NEXMIF: variants seen among roughly 807,000 people sequenced by gnomAD.
The protein encoded by NEXMIF is XLMR protein related to neurite extension.
In NEXMIF, 8 loss-of-function variants were observed where a neutral mutation model predicts 62.1. The observed-to-expected ratio is 0.13, with a 90% CI of 0.08 to 0.23. The LOEUF is 0.23. Ranked by LOEUF, NEXMIF falls within the 10% of genes least tolerant of loss-of-function variation. NEXMIF has a pLI of 1.00. For missense variants in NEXMIF, 976 were observed against 1,113.3 expected (o/e 0.88, Z 1.75); for synonymous variants, 404 against 416.6 (o/e 0.97, Z 0.37).
intron 1 of NEXMIF, among the ~76,000 whole-genome samples, chrX:74,878,878 C>A (rs1023150714): frequency 2.7e-5 from 3 of 112,418 alleles, no homozygotes; most frequent in African/African-American, 9.7e-5. Context: ...CACTGACCTG[C>A]GCCCACTGTC....
At chrX:74,771,270 C>T (rs975581159) in intron 1 of NEXMIF, among the ~76,000 whole-genome samples, 9 of 111,173 alleles carry the variant, frequency 8.1e-5, no homozygotes, top group Non-Finnish European at 1.5e-4. Context: ...ACTGACAGTA[C>T]TGAGGTAGTT....
At chrX:74,919,941 C>A (rs932726727) in intron 1 of NEXMIF, among the ~76,000 whole-genome samples, 38 of 111,054 alleles carry the variant, frequency 3.4e-4, no homozygotes, top group African/African-American at 1.2e-3. Context: ...CATGTCCCTA[C>A]AAAGGACATG....
intron 1 of NEXMIF, among the ~76,000 whole-genome samples, chrX:74,854,469 T>C (rs1297064656): frequency 2.7e-5 from 3 of 111,608 alleles, no homozygotes. Flanking sequence ...AGAGCACAGG[T>C]AATGATATGG....
intron 1 of NEXMIF, among the ~76,000 whole-genome samples, chrX:74,912,245 C>T (rs755123878): frequency 9.0e-6 from 1 of 111,612 alleles, no homozygotes; most frequent in South Asian, 3.9e-4. Context: ...AGGATTAGAA[C>T]ATTAAGGCCA....
chrX:74,861,439 G>C (rs1321274165), intron 1 of NEXMIF, among the ~76,000 whole-genome samples: 1 of 111,655 alleles, frequency 9.0e-6, no homozygotes, highest in Non-Finnish European at 1.9e-5. Flanking sequence ...TATCATCCAG[G>C]AGAACTTCCA....
intron 1 of NEXMIF, among the ~76,000 whole-genome samples, chrX:74,844,120 C>T (rs755872247): frequency 1.8e-5 from 2 of 111,743 alleles, no homozygotes; most frequent in Non-Finnish European, 3.8e-5. Flanking sequence ...CCAGTCTCTT[C>T]TGGCTTGTAG....
At chrX:74,762,476 C>A (rs1391742903) in intron 1 of NEXMIF, among the ~76,000 whole-genome samples, 1 of 111,374 alleles carries the variant, frequency 9.0e-6, no homozygotes, top group Non-Finnish European at 1.9e-5. Context: ...TGGGTATATA[C>A]CCAGTTATGG....
Position 74,740,168 on chromosome X carries a change from C to G in NEXMIF, c.4389G>C (p.Lys1463Asn). 8.3e-7 allele frequency: 1 copy of G among 1,211,050 alleles called. No homozygotes were observed. ...SSKALRDEKC[K>N]GKHMEREQVH... ...CCTGTTCTCGCTCCATGTGCTTTCC[C>G]TTACATTTCTCATCTCTCAGGGCCT... Residue 1463 changes from lysine to asparagine, a missense_variant, in exon 3 of 4, where the codon AAG (lysine) becomes AAC (asparagine). This residue lies in a region of NEXMIF where 137 missense variants were observed against 128.9 expected (regional missense o/e 1.06). Coordinates refer to ENST00000055682, the MANE Select transcript of NEXMIF (RefSeq NM_001008537.3).
At chrX:74,857,950 G>A (rs1264164640) in intron 1 of NEXMIF, among the ~76,000 whole-genome samples, 7 of 112,057 alleles carry the variant, frequency 6.2e-5, no homozygotes, top group Admixed American at 4.7e-4. Flanking sequence ...GAGTGGAAGA[G>A]TGGGAAGAAG....
intron 1 of NEXMIF, among the ~76,000 whole-genome samples, chrX:74,778,962 C>G (rs1304103292): frequency 8.9e-6 from 1 of 112,029 alleles, no homozygotes; most frequent in Non-Finnish European, 1.9e-5. Flanking sequence ...TCCTCAATTT[C>G]TTTTCAGAGA....
At chrX:74,887,721 T>C (rs976364129) in intron 1 of NEXMIF, among the ~76,000 whole-genome samples, 1 of 111,730 alleles carries the variant, frequency 9.0e-6, no homozygotes, top group African/African-American at 3.3e-5. Flanking sequence ...AGTTCAACCA[T>C]TGTGGAAGTC....
chrX:74,912,248 T>C (rs757581351), intron 1 of NEXMIF, among the ~76,000 whole-genome samples: 57 of 111,422 alleles, frequency 5.1e-4, no homozygotes, highest in Middle Eastern at 9.3e-3. Flanking sequence ...ATTAGAACAT[T>C]AAGGCCACCA....
chrX:74,769,522 C>A, intron 1 of NEXMIF: 1 of 360,195 alleles, frequency 2.8e-6, no homozygotes. Flanking sequence ...GGCAAAGAGT[C>A]CTTCCAGTGC....
rs767116089 is a variant in NEXMIF, at chrX:74,808,552, G to A, written c.-47-62855C>T. Reference sequence around the variant, plus strand: ...TCCTTTCTTGTAATGTCTTTGTCTGGCTTTGGTATTAGTGTAATGCTGGTC... The same window carrying A: ...TCCTTTCTTGTAATGTCTTTGTCTGACTTTGGTATTAGTGTAATGCTGGTC... On this transcript the variant is annotated intron_variant, in intron 1 of 3. Coordinates refer to ENST00000055682, the MANE Select transcript of NEXMIF (RefSeq NM_001008537.3). 2.1e-4 allele frequency among the ~76,000 whole-genome samples: 24 copies of A among 111,965 alleles called. No individual in the cohort carries two copies. The South Asian group carries it at 3.7e-3, about 17-fold the overall frequency.
intron 1 of NEXMIF, among the ~76,000 whole-genome samples, chrX:74,799,299 TG>T (rs1364491830): frequency 8.9e-6 from 1 of 111,812 alleles, no homozygotes; most frequent in African/African-American, 3.3e-5. Flanking sequence ...AATAAAGACC[TG>T]GTCTCCTTCA....
At chrX:74,759,875 C>A (rs1187204986) in intron 1 of NEXMIF, among the ~76,000 whole-genome samples, 2 of 111,470 alleles carry the variant, frequency 1.8e-5, no homozygotes, top group African/African-American at 3.3e-5. Context: ...TACTTGGGCT[C>A]TTTTTTTGGT....
chrX:74,817,103 A>AT (rs200058777), intron 1 of NEXMIF, among the ~76,000 whole-genome samples: 49 of 109,514 alleles, frequency 4.5e-4, no homozygotes, highest in South Asian at 1.5e-3. Flanking sequence ...AGAGATTCAG[A>AT]TTTTTTTTTT....
intron 1 of NEXMIF, among the ~76,000 whole-genome samples, chrX:74,753,936 G>A (rs2080151633): frequency 8.9e-6 from 1 of 111,869 alleles, no homozygotes; most frequent in African/African-American, 3.2e-5. Flanking sequence ...GAGGGACTAG[G>A]GATACCATGA....
chrX:74,878,560 G>A (rs767601728), intron 1 of NEXMIF, among the ~76,000 whole-genome samples: 32 of 112,804 alleles, frequency 2.8e-4, no homozygotes, highest in African/African-American at 9.6e-4. Context: ...AAGCAAGCCT[G>A]GGCAATGGCA....
Sources: allele counts gnomAD v4.1 joint callset (sites outside exome capture counted in the v4.1 genomes callset), GRCh38; gene constraint gnomAD v4.1.1; regional missense constraint gnomAD v4.1.1; transcripts MANE v1.5; gene names NCBI Gene and HGNC (gene_info 2026-07-23, HGNC 2026-07-21).